COL4A2: variants seen among roughly 807,000 people sequenced by gnomAD.
COL4A2 encodes the protein collagen alpha-2(IV) chain.
Under a neutral mutation model 200.2 loss-of-function variants are expected in COL4A2, and 99 were observed. That is an observed-to-expected ratio of 0.49 (90% CI 0.42 to 0.58). COL4A2 has a LOEUF of 0.58. Ranked by LOEUF, COL4A2 falls within the 20% of genes least tolerant of loss-of-function variation. The pLI is 0.00. For synonymous variants in COL4A2, 897 were observed against 900.6 expected (o/e 1.00, Z 0.07); for missense variants, 1,950 against 2,314.1 (o/e 0.84, Z 3.23).
chr13:110,376,212 G>C (rs1878231256), intron 4 of COL4A2, among the ~76,000 whole-genome samples: 1 of 152,098 alleles, frequency 6.6e-6, no homozygotes, highest in Admixed American at 6.5e-5. Flanking sequence ...TATCACTTCT[G>C]ATCTGACTGA....
chr13:110,503,594 G>A lies in COL4A2; in HGVS notation c.4138+113G>A. 12 of 740,254 alleles carry A rather than the reference G, an allele frequency of 1.6e-5. 1 individual carries two copies. The South Asian group carries it at 2.2e-4, about 14-fold the overall frequency. 45.9% of individuals were successfully genotyped at this position (740,254 alleles called of 1,614,324 possible). ...TCCTCTCTGGCATGGGTCACATGTT[G>A]TAAAGAGCAGGGAGGAAACCAAGGC... is the stretch of plus-strand genomic sequence containing the variant. On this transcript the variant is annotated intron_variant, in intron 43 of 47. Transcript: ENST00000360467.
chr13:110,330,432 C>T, intron 3 of COL4A2, among the ~76,000 whole-genome samples: 1 of 152,166 alleles, frequency 6.6e-6, no homozygotes, highest in Non-Finnish European at 1.5e-5. Flanking sequence ...AACTCCAGAG[C>T]TCTTCCCAGC....
At position 110,489,462 on chromosome 13, in the gene COL4A2, A is replaced by G; in HGVS notation, c.3225A>G (p.Pro1075=). Residue 1075 remains proline (P), a synonymous_variant, in exon 35 of 48, where the codon CCA becomes CCG. Coordinates refer to ENST00000360467, the MANE Select transcript of COL4A2 (RefSeq NM_001846.4). ...GTCTTTAGGGTGACAAAGGTGCCCC[A>G]GGGAGAGCAGGCCTGTATGGCGAGA... ...FIGSRGDKGA[P]GRAGLYGEIG... 6.2e-7 allele frequency: 1 copy of G among 1,614,198 alleles called. No homozygotes were observed. Among genetic ancestry groups the G allele is most frequent in the Non-Finnish European group, 8.5e-7 (1 of 1,180,028 alleles).
intron 15 of COL4A2, among the ~76,000 whole-genome samples, chr13:110,439,110 G>A (rs929484433): frequency 1.1e-4 from 17 of 152,256 alleles, no homozygotes; most frequent in African/African-American, 4.1e-4. Context: ...CACCGTCCAC[G>A]GTGATTCAGC....
chr13:110,401,647 G>C (rs984946470), intron 4 of COL4A2, among the ~76,000 whole-genome samples: 7 of 152,194 alleles, frequency 4.6e-5, no homozygotes, highest in Admixed American at 6.5e-5. Flanking sequence ...CCACCTATAT[G>C]TTTAGGGGTT....
chr13:110,504,008 T>C lies in COL4A2; in HGVS notation c.4285+15T>C. The C allele has an allele frequency of 1.3e-6, 2 of 1,554,596 alleles. No homozygotes were observed. Among genetic ancestry groups the C allele is most frequent in the Non-Finnish European group, 1.7e-6 (2 of 1,153,038 alleles). On this transcript the variant is annotated intron_variant, in intron 44 of 47. Transcript: ENST00000360467. The stretch of plus-strand genomic sequence containing the variant: ...CGGAGAACCAGGTAGAGTGCTGAGC[T>C]GGGGCCTGGAGCCCCTCGGGGCTGC...
At chr13:110,430,767 C>A in intron 10 of COL4A2, 160 bp downstream of exon 10, 1 of 997,898 alleles carries the variant, frequency 1.0e-6, no homozygotes, top group Non-Finnish European at 1.6e-6. Flanking sequence ...CCATTCCTTG[C>A]ACACTTTGCT....
At chr13:110,499,443 A>G (rs1426441406) in intron 40 of COL4A2, among the ~76,000 whole-genome samples, 6 of 152,212 alleles carry the variant, frequency 3.9e-5, no homozygotes, top group African/African-American at 1.4e-4. Context: ...CGAGAACAGC[A>G]TGAGGATAGC....
At chr13:110,477,026 A>G (rs1039397510) in intron 29 of COL4A2, among the ~76,000 whole-genome samples, 1 of 152,220 alleles carries the variant, frequency 6.6e-6, no homozygotes. Context: ...AAAATCTATC[A>G]GGAAAATATA....
At chr13:110,484,764 T>C in intron 32 of COL4A2, 141 bp from the exon 33 acceptor site, 2 of 1,243,202 alleles carry the variant, frequency 1.6e-6, no homozygotes, top group East Asian at 5.0e-5. Flanking sequence ...GAGAGGCTTC[T>C]CCGGCGCCCT....
intron 3 of COL4A2, among the ~76,000 whole-genome samples, chr13:110,335,589 T>C (rs1876144535): frequency 1.3e-5 from 2 of 152,176 alleles, no homozygotes; most frequent in Non-Finnish European, 1.5e-5. Flanking sequence ...ACTTATGTCT[T>C]TATCAGCAGC....
At position 110,448,422 on chromosome 13, in the gene COL4A2, G is replaced by C. The variant is rs150895256; in HGVS notation, c.1079-1257G>C. ...TTCAGAAATGCGGAGGTTGCCTGCC[G>C]CCTTTTCTACCGGACAACATTCCCG... On this transcript the variant is annotated intron_variant, in intron 18 of 47. Coordinates refer to ENST00000360467, the MANE Select transcript of COL4A2 (RefSeq NM_001846.4). Among the ~76,000 whole-genome samples the C allele has an allele frequency of 6.5e-3, 995 of 152,208 alleles. 8 individuals carry two copies. The highest frequency in any genetic ancestry group is 0.02 in the Middle Eastern group (6 of 294).
intron 4 of COL4A2, among the ~76,000 whole-genome samples, chr13:110,412,437 A>G (rs1161872901): frequency 6.6e-6 from 1 of 152,178 alleles, no homozygotes; most frequent in Non-Finnish European, 1.5e-5. Flanking sequence ...CGTGTTCACC[A>G]CCAGAACTGC....
intron 3 of COL4A2, among the ~76,000 whole-genome samples, chr13:110,348,147 G>A (rs541602624): frequency 6.6e-6 from 1 of 152,370 alleles, no homozygotes; most frequent in Admixed American, 6.5e-5. Context: ...TCAGTTCCAT[G>A]AGGACAGGCA....
At chr13:110,410,224 C>T (rs1460716750) in intron 4 of COL4A2, among the ~76,000 whole-genome samples, 2 of 152,238 alleles carry the variant, frequency 1.3e-5, no homozygotes, top group Non-Finnish European at 1.5e-5. Flanking sequence ...CTCAGCCACT[C>T]GTGGGCCACG....
chr13:110,392,478 A>T (rs966009589), intron 4 of COL4A2, among the ~76,000 whole-genome samples: 3 of 152,318 alleles, frequency 2.0e-5, no homozygotes, highest in Admixed American at 6.5e-5. Flanking sequence ...AGAGACGGTC[A>T]CAGCAGTGCT....
At chr13:110,494,857 G>A (rs1235482950) in intron 39 of COL4A2, among the ~76,000 whole-genome samples, 1 of 152,190 alleles carries the variant, frequency 6.6e-6, no homozygotes, top group Non-Finnish European at 1.5e-5. Context: ...GTAAATTCAC[G>A]CACTCCTGCG....
At position 110,431,452 on chromosome 13, in the gene COL4A2, G is replaced by A. The variant is rs559920200; in HGVS notation, c.648+845G>A. Among the ~76,000 whole-genome samples, 32 of 152,254 alleles carry A rather than the reference G, an allele frequency of 2.1e-4. No individual in the cohort carries two copies. The South Asian group carries it at 4.8e-3, about 23-fold the overall frequency. On this transcript the variant is annotated intron_variant, in intron 10 of 47. Transcript: ENST00000360467. ...ATAATAAATGACAATAATAATAATAGATTTTGTTTCTACAAAGCAAATTTC... is the reference window on the plus strand; with the variant it reads ...ATAATAAATGACAATAATAATAATAAATTTTGTTTCTACAAAGCAAATTTC...
In COL4A2 at chr13:110,499,120, C is replaced by T. The variant is rs561290814; in HGVS notation, c.3761-2548C>T. Among the ~76,000 whole-genome samples the T allele has an allele frequency of 4.1e-4, 63 of 152,364 alleles. 1 individual carries two copies. In the South Asian group the frequency reaches 0.012, roughly 30 times the overall value. The stretch of plus-strand genomic sequence containing the variant: ...ACACTGATCATAATGTCATTCAGGA[C>T]ACACACTCTTCTCTCAAAATATGGG... On this transcript the variant is annotated intron_variant, in intron 40 of 47. Transcript: ENST00000360467.
Sources: gnomAD v4.1 joint callset for allele counts (sites outside exome capture counted in the v4.1 genomes callset) on GRCh38, gnomAD v4.1.1 for gene constraint, MANE v1.5 for transcripts, NCBI Gene and HGNC (gene_info 2026-07-23, HGNC 2026-07-21) for gene names.